The following ERC2 variants were observed in gnomAD, a reference collection of about 807,000 sequenced individuals.
The protein encoded by ERC2 is ELKS/RAB6-interacting/CAST family member 2, also known as ERC protein 2.
ERC2 carries 42 observed loss-of-function variants against 114.8 expected under a neutral mutation model. That is an observed-to-expected ratio of 0.37 (90% CI 0.29 to 0.47). The LOEUF (loss-of-function observed/expected upper bound fraction) is 0.47. Among genes scored for constraint, ERC2 ranks in the 20% least tolerant of loss-of-function variants. ERC2 has a pLI of 0.99. For missense variants in ERC2, 939 were observed against 1,150.7 expected (o/e 0.82, Z 2.66); for synonymous variants, 454 against 425.5 (o/e 1.07, Z -0.82).
intron 15 of ERC2, among the ~76,000 whole-genome samples, chr3:55,716,217 T>C (rs963193392): frequency 6.6e-6 from 1 of 152,176 alleles, no homozygotes; most frequent in Non-Finnish European, 1.5e-5. Context: ...CCTCTCACTT[T>C]CCTTCTTTAA....
intron 14 of ERC2, among the ~76,000 whole-genome samples, chr3:55,783,256 G>C (rs538395019): frequency 7.9e-5 from 12 of 152,312 alleles, no homozygotes; most frequent in Admixed American, 7.8e-4. Flanking sequence ...TGACTGCCTG[G>C]ACTCAAATGC....
chr3:56,390,353 TCTC>T (rs2060085120), intron 2 of ERC2, among the ~76,000 whole-genome samples: 1 of 152,178 alleles, frequency 6.6e-6, no homozygotes, highest in African/African-American at 2.4e-5. Context: ...ACGACTTTCT[TCTC>T]CTAGCTTGCT....
intron 13 of ERC2, among the ~76,000 whole-genome samples, chr3:55,941,988 T>G (rs2066824409): frequency 6.6e-6 from 1 of 152,182 alleles, no homozygotes; most frequent in South Asian, 2.1e-4. Context: ...TTATATAATT[T>G]TAGATGCTCA....
intron 16 of ERC2, among the ~76,000 whole-genome samples, chr3:55,693,671 G>A (rs181895809): frequency 5.9e-5 from 9 of 152,118 alleles, no homozygotes; most frequent in Admixed American, 5.2e-4. Context: ...TGAAAGCTGG[G>A]GCAAATGGAA....
At chr3:56,219,387 C>A (rs777419958) in intron 3 of ERC2, among the ~76,000 whole-genome samples, 5 of 151,950 alleles carry the variant, frequency 3.3e-5, no homozygotes, top group Non-Finnish European at 5.9e-5. Flanking sequence ...AGTGATGGAG[C>A]CATTCATTTA....
At chr3:56,103,232 G>A (rs912638769) in intron 6 of ERC2, among the ~76,000 whole-genome samples, 3 of 152,180 alleles carry the variant, frequency 2.0e-5, no homozygotes, top group Admixed American at 1.3e-4. Context: ...AGAATCTGAA[G>A]TGAGTTTGAT....
At chr3:56,208,091 T>C (rs1225205923) in intron 3 of ERC2, among the ~76,000 whole-genome samples, 1 of 152,236 alleles carries the variant, frequency 6.6e-6, no homozygotes, top group African/African-American at 2.4e-5. Flanking sequence ...CCAAAATGCA[T>C]GAAGAATTTA....
chr3:56,121,000 G>T (rs778471043), intron 6 of ERC2, among the ~76,000 whole-genome samples: 1 of 152,194 alleles, frequency 6.6e-6, no homozygotes, highest in Non-Finnish European at 1.5e-5. Context: ...AAACAAAAAT[G>T]ACCCCAGAAT....
At chr3:55,577,978 C>T (rs911932978) in intron 17 of ERC2, among the ~76,000 whole-genome samples, 1 of 152,162 alleles carries the variant, frequency 6.6e-6, no homozygotes. Context: ...AGAAAGGGGA[C>T]GTGGCCCCCA....
chr3:55,799,975 A>C (rs1226363816), intron 14 of ERC2, among the ~76,000 whole-genome samples: 2 of 152,176 alleles, frequency 1.3e-5, no homozygotes, highest in Non-Finnish European at 2.9e-5. Context: ...CAGTGAAAAC[A>C]GTGGTAATCC....
chr3:56,345,459 G>A (rs1159889837), intron 2 of ERC2, among the ~76,000 whole-genome samples: 1 of 152,210 alleles, frequency 6.6e-6, no homozygotes, highest in Non-Finnish European at 1.5e-5. Context: ...CACTCTGTCT[G>A]TTCCTGGGAC....
At chr3:56,363,761 A>T (rs2059047234) in intron 2 of ERC2, among the ~76,000 whole-genome samples, 2 of 150,620 alleles carry the variant, frequency 1.3e-5, no homozygotes, top group South Asian at 4.2e-4. Context: ...CCAAAACAAA[A>T]ATCTCATCTC....
intron 15 of ERC2, among the ~76,000 whole-genome samples, chr3:55,726,714 C>T (rs1379217315): frequency 6.6e-6 from 1 of 152,178 alleles, no homozygotes; most frequent in African/African-American, 2.4e-5. Flanking sequence ...GTTATGGCCT[C>T]CAGAATGTTT....
At chr3:55,984,037 T>C (rs2070375431) in intron 12 of ERC2, among the ~76,000 whole-genome samples, 1 of 152,194 alleles carries the variant, frequency 6.6e-6, no homozygotes. Flanking sequence ...ACACTAAAAA[T>C]ATAACCAGAG....
intron 6 of ERC2, among the ~76,000 whole-genome samples, chr3:56,134,124 T>C (rs1183346896): frequency 6.6e-6 from 1 of 152,240 alleles, no homozygotes; most frequent in Non-Finnish European, 1.5e-5. Flanking sequence ...TTAGCAATAT[T>C]AGCCTTCAAT....
chr3:56,075,069 C>G (rs573777482), intron 7 of ERC2, among the ~76,000 whole-genome samples: 1 of 152,150 alleles, frequency 6.6e-6, no homozygotes, highest in Non-Finnish European at 1.5e-5. Flanking sequence ...TGCATAATTC[C>G]AAACTGAACC....
At chr3:55,751,930 A>G (rs2066729785) in intron 14 of ERC2, among the ~76,000 whole-genome samples, 1 of 152,246 alleles carries the variant, frequency 6.6e-6, no homozygotes, top group Non-Finnish European at 1.5e-5. Context: ...AGGAAGTGTT[A>G]GAGGGATACT....
At chr3:56,425,489 C>G (rs1206367003) in intron 2 of ERC2, among the ~76,000 whole-genome samples, 1 of 151,942 alleles carries the variant, frequency 6.6e-6, no homozygotes, top group African/African-American at 2.4e-5. Context: ...ATGCAGTAAC[C>G]CCAAACTCCA....
chr3:55,546,339 A>C (rs1189461871), intron 17 of ERC2, among the ~76,000 whole-genome samples: 1 of 151,952 alleles, frequency 6.6e-6, no homozygotes, highest in Admixed American at 6.6e-5. Flanking sequence ...ACTTTGTTTA[A>C]ATCATTTCCC....
Sources: gnomAD v4.1 joint callset for allele counts (sites outside exome capture counted in the v4.1 genomes callset) on GRCh38, gnomAD v4.1.1 for gene constraint, MANE v1.5 for transcripts, NCBI Gene and HGNC (gene_info 2026-07-23, HGNC 2026-07-21) for gene names.